The following PSTPIP1 variants were observed in gnomAD, a reference collection of about 807,000 sequenced individuals.
PSTPIP1 encodes proline-serine-threonine phosphatase interacting protein 1, also known as proline-serine-threonine phosphatase-interacting protein 1.
PSTPIP1 carries 66 observed loss-of-function variants against 69.6 expected under a neutral mutation model. The observed-to-expected ratio is 0.95, with a 90% CI of 0.78 to 1.16. The LOEUF (loss-of-function observed/expected upper bound fraction) is 1.16. Ranked by LOEUF, PSTPIP1 falls within the 50% of genes most tolerant of loss-of-function variation. The pLI is 0.00. For missense variants in PSTPIP1, 603 were observed against 557.4 expected (o/e 1.08, Z -0.82); for synonymous variants, 266 against 222.7 (o/e 1.19, Z -1.73).
intron 1 of PSTPIP1, among the ~76,000 whole-genome samples, chr15:77,000,476 T>TATATAC (rs1033258180): frequency 5.3e-4 from 78 of 146,884 alleles, no homozygotes; most frequent in Middle Eastern, 3.5e-3. Context: ...TATATATATA[T>TATATAC]ACACACACAC....
upstream of PSTPIP1, chr15:76,994,796 GACAGATGC>G (rs1353310784): frequency 1.6e-6 from 2 of 1,289,158 alleles, no homozygotes; most frequent in Non-Finnish European, 1.0e-6. Flanking sequence ...TTTGATGAAT[GACAGATGC>G]CCTAGACCTG....
At chr15:77,029,188 G>A (rs556840256) in intron 7 of PSTPIP1, among the ~76,000 whole-genome samples, 1 of 152,210 alleles carries the variant, frequency 6.6e-6, no homozygotes, top group East Asian at 1.9e-4. Context: ...CCCAGAGAGG[G>A]AAGTGGCCTG....
upstream of PSTPIP1, chr15:76,994,739 G>A: frequency 7.8e-7 from 1 of 1,288,470 alleles, no homozygotes; most frequent in Non-Finnish European, 1.0e-6. Flanking sequence ...CCCAGACTAT[G>A]GGCTCCTTGA....
At chr15:77,032,155 C>G in intron 10 of PSTPIP1, 143 bp from the exon 11 acceptor site, 1 of 729,738 alleles carries the variant, frequency 1.4e-6, no homozygotes, top group Non-Finnish European at 2.3e-6. Context: ...CAGCCAGGGC[C>G]GTGACCCCTC....
rs1447345233 is a variant in PSTPIP1 at position 77,027,813 on chromosome 15, G to A, written c.355-39G>A. 6.4e-7 allele frequency: 1 copy of A among 1,550,476 alleles called. No homozygotes were observed. Among genetic ancestry groups the A allele is most frequent in the Non-Finnish European group, 8.7e-7 (1 of 1,146,922 alleles). On this transcript the variant is annotated intron_variant, in intron 5 of 14. Transcript: ENST00000558012. The surrounding 1 kb of genome is among the most constrained non-coding windows in gnomAD (Gnocchi z 4.3). ...CTCTTGGCCTAGGGGAGCCTCCCGA[G>A]GCCGCGGCCCTCGGCTCAGAACCTC...
chr15:76,996,161 C>G (rs553459885), intron 1 of PSTPIP1, among the ~76,000 whole-genome samples: 2 of 152,376 alleles, frequency 1.3e-5, no homozygotes, highest in South Asian at 4.1e-4. Flanking sequence ...CTCACCCAGC[C>G]CCTTGTCCCT....
At chr15:76,997,813 C>A (rs2075613840) in intron 1 of PSTPIP1, among the ~76,000 whole-genome samples, 1 of 152,196 alleles carries the variant, frequency 6.6e-6, no homozygotes, top group Non-Finnish European at 1.5e-5. Flanking sequence ...ACAGAAAAGG[C>A]ACACTACTCT....
chr15:77,026,667 G>A, intron 5 of PSTPIP1, among the ~76,000 whole-genome samples: 1 of 152,258 alleles, frequency 6.6e-6, no homozygotes, highest in Non-Finnish European at 1.5e-5. Context: ...TAGCGTGGCT[G>A]CCCGTGCCAC....
In PSTPIP1 at chr15:77,034,672, C is replaced by T. The variant is rs968047453; in HGVS notation, c.930-836C>T. Among the ~76,000 whole-genome samples the T allele has an allele frequency of 3.3e-5, 5 of 152,180 alleles. No homozygotes were observed. In the East Asian group the frequency reaches 9.6e-4, roughly 29 times the overall value. ...CCTCTCCTGGTCACCTGCAGTGCCTCGCTCCCCCTTCTCTCCTAGTAAAGC... is the reference window on the plus strand; with the variant it reads ...CCTCTCCTGGTCACCTGCAGTGCCTTGCTCCCCCTTCTCTCCTAGTAAAGC... On this transcript the variant is annotated intron_variant, in intron 12 of 14. Coordinates refer to ENST00000558012, the MANE Select transcript of PSTPIP1 (RefSeq NM_003978.5).
At chr15:77,001,146 T>C (rs2075699663) in intron 1 of PSTPIP1, among the ~76,000 whole-genome samples, 1 of 152,262 alleles carries the variant, frequency 6.6e-6, no homozygotes, top group African/African-American at 2.4e-5. Flanking sequence ...TTTAGGTTAC[T>C]GCCAATTATT....
At chr15:77,019,100 G>A (rs2152679478) in intron 3 of PSTPIP1, among the ~76,000 whole-genome samples, 1 of 152,352 alleles carries the variant, frequency 6.6e-6, no homozygotes, top group Non-Finnish European at 1.5e-5. Context: ...CTGGTTAGAG[G>A]GCAGGCCGTC....
At chr15:77,000,977 C>CT (rs1448251061) in intron 1 of PSTPIP1, among the ~76,000 whole-genome samples, 2 of 152,158 alleles carry the variant, frequency 1.3e-5, no homozygotes, top group African/African-American at 2.4e-5. Context: ...CCACCCTCCC[C>CT]TTTTTTTAGC....
At chr15:77,035,618 G>A in intron 13 of PSTPIP1, 55 bp downstream of exon 13, 1 of 1,530,898 alleles carries the variant, frequency 6.5e-7, no homozygotes, top group Non-Finnish European at 8.8e-7. Context: ...GGGGAGGAGA[G>A]GTCTCCCACA....
In PSTPIP1 at chr15:77,027,819, G is replaced by C. The variant is rs765795513; in HGVS notation, c.355-33G>C. On this transcript the variant is annotated intron_variant, in intron 5 of 14. Transcript: ENST00000558012. This position sits in a 1 kb window ranked among gnomAD's most constrained non-coding sequence, Gnocchi z 4.3. ...GCCTAGGGGAGCCTCCCGAGGCCGC[G>C]GCCCTCGGCTCAGAACCTCGTGTCC... 1.3e-6 allele frequency: 2 copies of C among 1,551,864 alleles called. No individual in the cohort carries two copies. The highest frequency in any genetic ancestry group is 1.7e-6 in the Non-Finnish European group (2 of 1,147,654).
At chr15:77,021,974 G>C (rs879687075) in intron 3 of PSTPIP1, among the ~76,000 whole-genome samples, 1 of 152,234 alleles carries the variant, frequency 6.6e-6, no homozygotes, top group Non-Finnish European at 1.5e-5. Flanking sequence ...GGGAAACAAA[G>C]GAAAACCAAG....
At chr15:77,017,599 G>A (rs1005140017) in intron 1 of PSTPIP1, among the ~76,000 whole-genome samples, 5 of 152,268 alleles carry the variant, frequency 3.3e-5, no homozygotes, top group African/African-American at 9.6e-5. Context: ...CCAAGAAACC[G>A]CAATTGCTGT....
chr15:76,997,179 C>G (rs978065300), intron 1 of PSTPIP1, among the ~76,000 whole-genome samples: 1 of 152,238 alleles, frequency 6.6e-6, no homozygotes, highest in Admixed American at 6.5e-5. Context: ...GAGCGGCATC[C>G]TGCCCACACT....
chr15:77,013,877 A>G (rs779243313), intron 1 of PSTPIP1, among the ~76,000 whole-genome samples: 3 of 152,186 alleles, frequency 2.0e-5, no homozygotes, highest in Non-Finnish European at 4.4e-5. Context: ...GCATTTGAAA[A>G]AGGCTCTGCT....
chr15:77,018,291 G>C, intron 2 of PSTPIP1, 43 bp downstream of exon 2: 1 of 1,551,030 alleles, frequency 6.4e-7, no homozygotes, highest in Non-Finnish European at 8.7e-7. Context: ...GCAGGAAGCA[G>C]GTGGCTTCCG....
Sources: allele counts gnomAD v4.1 joint callset (sites outside exome capture counted in the v4.1 genomes callset), GRCh38; gene constraint gnomAD v4.1.1; non-coding constraint Gnocchi (gnomAD v3.1); transcripts MANE v1.5; gene names NCBI Gene and HGNC (gene_info 2026-07-23, HGNC 2026-07-21).